OSMR: variants seen among roughly 807,000 people sequenced by gnomAD.
OSMR encodes oncostatin-M-specific receptor subunit beta.
Under a neutral mutation model 99.9 loss-of-function variants are expected in OSMR, and 81 were observed. The ratio of observed to expected loss-of-function variants is 0.81; its 90% CI spans 0.68 to 0.97. The LOEUF is 0.97. Ranked by LOEUF, OSMR falls within the 50% of genes least tolerant of loss-of-function variation. OSMR has a pLI of 0.00. For synonymous variants in OSMR, 406 were observed against 410.4 expected (o/e 0.99, Z 0.13); for missense variants, 1,099 against 1,153.4 (o/e 0.95, Z 0.68).
At chr5:38,920,837 G>T (rs1746194801) in intron 11 of OSMR, among the ~76,000 whole-genome samples, 1 of 152,122 alleles carries the variant, frequency 6.6e-6, no homozygotes, top group Admixed American at 6.5e-5. Context: ...AGTCCCCTGA[G>T]GCCATGTTAT....
chr5:38,886,079 T>G lies in OSMR; in HGVS notation c.880T>G (p.Cys294Gly), dbSNP rs1302039320. The G allele has an allele frequency of 1.2e-6, 2 of 1,613,538 alleles. No homozygotes were observed. Among genetic ancestry groups the G allele is most frequent in the South Asian group, 2.2e-5 (2 of 90,870 alleles). Residue 294 changes from cysteine to glycine, a missense_variant, in exon 7 of 18, where the codon TGT (cysteine) becomes GGT (glycine). Cys to Gly is a radical substitution (Grantham distance 159, BLOSUM62 -3). Coordinates refer to ENST00000274276, the MANE Select transcript of OSMR (RefSeq NM_003999.3). ...EKKLCTHKNW[C>G]NWQITQDSQE... ...GAAACTTTGTACACACAAAAACTGG[T>G]GTAATTGGCAAATAACTCAAGACTC...
At chr5:38,942,673 C>G (rs1374721837) in intron 1 of OSMR, among the ~76,000 whole-genome samples, 1 of 151,390 alleles carries the variant, frequency 6.6e-6, no homozygotes, top group African/African-American at 2.4e-5. Flanking sequence ...CCAGGCTGGT[C>G]TTGAATTCCT....
Position 38,941,256 on chromosome 5 carries a change from A to C in OSMR, c.75-2945A>C, listed in dbSNP as rs1473438072. On this transcript the variant is annotated intron_variant and NMD_transcript_variant, in intron 1 of 2. Coordinates refer to the OSMR transcript ENST00000508882. ...AAAACACTGATATAAAAATTAAGTT[A>C]CTGCTGCTTTAAAATTTGGTACTTA... 2.8e-4 allele frequency: 66 copies of C among 232,578 alleles called. 1 individual carries two copies. The East Asian group carries it at 4.0e-3, about 14-fold the overall frequency. The allele number at this position is 232,578 out of a possible 1,614,324, so 14.4% of individuals were successfully genotyped here. A position where few individuals can be genotyped will look rare whatever the true frequency, so the allele number is the denominator to read the frequency against.
At chr5:38,855,492 C>T (rs1156426153) in intron 1 of OSMR, among the ~76,000 whole-genome samples, 1 of 152,166 alleles carries the variant, frequency 6.6e-6, no homozygotes, top group Non-Finnish European at 1.5e-5. Context: ...CTCTGCTCCT[C>T]CATAAACAGT....
rs184622734 is a variant in OSMR, at chr5:38,910,499, T to C, written c.1285+5996T>C. Among the ~76,000 whole-genome samples the C allele has an allele frequency of 1.4e-4, 22 of 152,150 alleles. No homozygotes were observed. In the East Asian group the frequency reaches 4.2e-3, roughly 29 times the overall value. Reference sequence around the variant, plus strand: ...CAGCAAATTAAAAGAAAACCCGAAATAATACCAAACACACTCTCAGGCAAC... The same window carrying C: ...CAGCAAATTAAAAGAAAACCCGAAACAATACCAAACACACTCTCAGGCAAC... On this transcript the variant is annotated intron_variant, in intron 9 of 17. Coordinates refer to ENST00000274276, the MANE Select transcript of OSMR (RefSeq NM_003999.3).
rs910391704 is a variant in OSMR, at chr5:38,869,101, G to A, written c.57G>A (p.Arg19=). 6 of 1,611,832 alleles carry A rather than the reference G, an allele frequency of 3.7e-6. No individual in the cohort carries two copies. Among genetic ancestry groups the A allele is most frequent in the East Asian group, 2.2e-5 (1 of 44,844 alleles). ...TCTTCTTAACATTGCTGTCCTTGAG[G>A]ACTTACCAGAGTGAAGGTAAGAAGT... ...TTFFLTLLSL[R]TYQSEVLAER... The change falls in exon 2 of 18, where the codon AGG becomes AGA. Residue 19 remains arginine, a synonymous_variant. Coordinates refer to ENST00000274276, the MANE Select transcript of OSMR (RefSeq NM_003999.3).
intron 9 of OSMR, 149 bp from the exon 10 acceptor site, chr5:38,917,397 T>C: frequency 6.9e-7 from 1 of 1,455,534 alleles, no homozygotes; most frequent in Non-Finnish European, 9.1e-7. Flanking sequence ...TGTGGACCAG[T>C]GGGTAGAAGT....
At chr5:38,888,644 T>C (rs994457145) in intron 7 of OSMR, among the ~76,000 whole-genome samples, 3 of 152,324 alleles carry the variant, frequency 2.0e-5, no homozygotes, top group African/African-American at 7.2e-5. Context: ...AAATTTTAAC[T>C]CCTTTCTCAT....
At position 38,893,827 on chromosome 5, in the gene OSMR, C is replaced by T. The variant is rs373368998; in HGVS notation, c.991+7637C>T. Among the ~76,000 whole-genome samples the T allele has an allele frequency of 2.6e-5, 4 of 152,264 alleles. No individual in the cohort carries two copies. The South Asian group carries it at 8.3e-4, about 32-fold the overall frequency. On this transcript the variant is annotated intron_variant, in intron 7 of 17. Coordinates refer to ENST00000274276, the MANE Select transcript of OSMR (RefSeq NM_003999.3). The stretch of plus-strand genomic sequence containing the variant: ...ACCCAGATACAAGAAATCCAGAGAA[C>T]ACCTGCTGGATTCTACACAAAACGA...
intron 1 of OSMR, among the ~76,000 whole-genome samples, chr5:38,862,996 C>T (rs560639050): frequency 6.6e-6 from 1 of 152,064 alleles, no homozygotes; most frequent in East Asian, 1.9e-4. Flanking sequence ...ACCCTGTCTC[C>T]ACCAAAAAAG....
intron 13 of OSMR, among the ~76,000 whole-genome samples, chr5:38,923,690 G>T (rs1746341326): frequency 2.0e-5 from 3 of 152,120 alleles, no homozygotes. Context: ...AGCAGTGGAG[G>T]GGATTTTTGA....
At chr5:38,940,299 A>G (rs1465478770), downstream of OSMR, 3 of 231,804 alleles carry the variant, frequency 1.3e-5, no homozygotes, top group Admixed American at 1.7e-4. Context: ...GAGGGATTAA[A>G]CCACAGATTT....
intron 1 of OSMR, among the ~76,000 whole-genome samples, chr5:38,850,485 A>C (rs914432835): frequency 1.3e-5 from 2 of 152,230 alleles, no homozygotes; most frequent in African/African-American, 4.8e-5. Flanking sequence ...TCTTAGATCT[A>C]GAGTCATTGA....
chr5:38,852,530 A>T (rs1053279981), intron 1 of OSMR, among the ~76,000 whole-genome samples: 2 of 152,008 alleles, frequency 1.3e-5, no homozygotes, highest in African/African-American at 4.8e-5. Context: ...CACACACACA[A>T]TTGTCTTTAA....
Position 38,932,457 on chromosome 5 carries a change from T to A in OSMR, c.2295-6T>A. ...AATTCAGTCTCATTTTCGCTTTTTTTTCTAGGATCAAGGAGACCTGTTATC... is the reference window on the plus strand; with the variant it reads ...AATTCAGTCTCATTTTCGCTTTTTTATCTAGGATCAAGGAGACCTGTTATC... On this transcript the variant is annotated splice_region_variant and splice_polypyrimidine_tract_variant and intron_variant, in intron 16 of 17. Coordinates refer to ENST00000274276, the MANE Select transcript of OSMR (RefSeq NM_003999.3). The A allele has an allele frequency of 6.2e-7, 1 of 1,612,232 alleles. No individual in the cohort carries two copies. Among genetic ancestry groups the A allele is most frequent in the Non-Finnish European group, 8.5e-7 (1 of 1,178,278 alleles).
At chr5:38,894,260 A>C (rs962782595) in intron 7 of OSMR, among the ~76,000 whole-genome samples, 2 of 152,214 alleles carry the variant, frequency 1.3e-5, no homozygotes, top group Non-Finnish European at 2.9e-5. Context: ...CTATAAAGGA[A>C]CCGCAGAATA....
At chr5:38,940,019 CTTT>C (rs35397307), downstream of OSMR, 16 of 201,964 alleles carry the variant, frequency 7.9e-5, no homozygotes, top group Middle Eastern at 1.5e-3. Flanking sequence ...TAAGCGTAGA[CTTT>C]TTTTTTTTTT....
chr5:38,857,863 T>C (rs538836996), intron 1 of OSMR, among the ~76,000 whole-genome samples: 37 of 152,168 alleles, frequency 2.4e-4, no homozygotes, highest in African/African-American at 8.7e-4. Context: ...AGATGGGGTT[T>C]TACCATGTTG....
chr5:38,924,151 G>A (rs749695938), intron 13 of OSMR: 8 of 164,634 alleles, frequency 4.9e-5, no homozygotes, highest in Non-Finnish European at 1.0e-4. Flanking sequence ...TTTATTTTTT[G>A]GCTATGTGAG....
Sources: gnomAD v4.1 joint callset for allele counts (sites outside exome capture counted in the v4.1 genomes callset) on GRCh38, gnomAD v4.1.1 for gene constraint, MANE v1.5 for transcripts, NCBI Gene and HGNC (gene_info 2026-07-23, HGNC 2026-07-21) for gene names.